The following SYTL4 variants were observed in gnomAD, a reference collection of about 807,000 sequenced individuals.
SYTL4 encodes synaptotagmin-like protein 4.
In SYTL4, 16 loss-of-function variants were observed where a neutral mutation model predicts 52.7. The observed-to-expected ratio is 0.30, with a 90% CI of 0.21 to 0.46. SYTL4 has a LOEUF of 0.46. SYTL4 is among the 20% of genes least tolerant of loss of function. The pLI, the probability that SYTL4 is intolerant of heterozygous loss-of-function variation, is 1.00. For missense variants in SYTL4, 423 were observed against 519.9 expected, an observed-to-expected ratio of 0.81 and a Z score of 1.81; for synonymous variants, 160 against 186.6, an observed-to-expected ratio of 0.86 and a Z score of 1.16.
chrX:100,693,094 T>TA (rs1427127141), intron 8 of SYTL4, among the ~76,000 whole-genome samples: 1 of 111,297 alleles, frequency 9.0e-6, no homozygotes, highest in Non-Finnish European at 1.9e-5. Flanking sequence ...CATGGCTGGC[T>TA]AATTTTTTTA....
At chrX:100,699,927 A>G (rs1468558454) in intron 8 of SYTL4, among the ~76,000 whole-genome samples, 2 of 111,402 alleles carry the variant, frequency 1.8e-5, no homozygotes, top group Admixed American at 9.5e-5. Flanking sequence ...GATACATGCT[A>G]TAACATGGAT....
chrX:100,723,738 G>T (rs1365391091), intron 2 of SYTL4, among the ~76,000 whole-genome samples: 2 of 104,471 alleles, frequency 1.9e-5, no homozygotes, highest in East Asian at 3.2e-4. Context: ...CGGCCGCCCC[G>T]TCTGAGAAGT....
chrX:100,725,532 A>T (rs2084499181), intron 2 of SYTL4, among the ~76,000 whole-genome samples: 1 of 112,707 alleles, frequency 8.9e-6, no homozygotes, highest in South Asian at 3.6e-4. Flanking sequence ...GCAAATGTAA[A>T]TTAGTAAGGC....
intron 14 of SYTL4, 44 bp downstream of exon 14, chrX:100,687,023 G>T: frequency 1.7e-6 from 2 of 1,180,248 alleles, no homozygotes; most frequent in Non-Finnish European, 1.1e-6. Flanking sequence ...GCCGGGGTCT[G>T]GTCTCTGGTC....
In SYTL4 at chrX:100,701,340, A is replaced by G; in HGVS notation, c.327-11T>C. 1 of 1,184,408 alleles carries G rather than the reference A, an allele frequency of 8.4e-7. No homozygotes were observed. Among genetic ancestry groups the G allele is most frequent in the Non-Finnish European group, 1.1e-6 (1 of 870,615 alleles). On this transcript the variant is annotated splice_polypyrimidine_tract_variant and intron_variant, in intron 6 of 19. Coordinates refer to ENST00000372989, the MANE Select transcript of SYTL4 (RefSeq NM_001370165.1). ...GCTTTCTTCAACTCTCTGGGAAGAA[A>G]TAAAAGAAAATGACAGATGGATAAA... is the stretch of plus-strand genomic sequence containing the variant.
At chrX:100,715,302 C>T (rs1277157336) in intron 2 of SYTL4, among the ~76,000 whole-genome samples, 1 of 112,168 alleles carries the variant, frequency 8.9e-6, no homozygotes, top group Non-Finnish European at 1.9e-5. Context: ...GGATTACAGG[C>T]ATGAGACACC....
intron 8 of SYTL4, among the ~76,000 whole-genome samples, chrX:100,692,513 G>A (rs746518600): frequency 9.0e-6 from 1 of 111,640 alleles, no homozygotes; most frequent in Non-Finnish European, 1.9e-5. Flanking sequence ...GTATTCAGGT[G>A]ACCAGAATTC....
rs758259732 is a variant in SYTL4, at chrX:100,678,561, T to G, written c.1697A>C (p.Lys566Thr). 3 of 1,211,348 alleles carry G rather than the reference T, an allele frequency of 2.5e-6. No homozygotes were observed. Among genetic ancestry groups the G allele is most frequent in the Non-Finnish European group, 3.4e-6 (3 of 895,288 alleles). The change falls in exon 19 of 20, where the codon AAA becomes ACA. Residue 566 changes from lysine (K) to threonine (T), a missense_variant. Transcript: ENST00000372989. Reference sequence around the variant, plus strand: ...CAGGGTCTTCTTCATCACAGGAGTTTTACGTTTACTGGCCTTGTTCCTCAT... The same window carrying G: ...CAGGGTCTTCTTCATCACAGGAGTTGTACGTTTACTGGCCTTGTTCCTCAT... ...LPMRNKASKR[K>T]TPVMKKTLNP...
At chrX:100,721,082 C>A (rs1422565183) in intron 2 of SYTL4, among the ~76,000 whole-genome samples, 1 of 111,129 alleles carries the variant, frequency 9.0e-6, no homozygotes, top group Admixed American at 9.6e-5. Context: ...GAAGCAATAT[C>A]CTAATATTTT....
chrX:100,686,864 C>T (rs1280287925), intron 14 of SYTL4, 83 bp from the exon 15 acceptor site: 2 of 889,025 alleles, frequency 2.2e-6, no homozygotes, highest in Non-Finnish European at 3.2e-6. Context: ...TATAGATATG[C>T]CATGGTGACA....
intron 5 of SYTL4, 110 bp downstream of exon 5, chrX:100,701,818 T>G (rs2083859633): frequency 3.7e-6 from 3 of 801,222 alleles, no homozygotes; most frequent in African/African-American, 4.2e-5. Context: ...TAAGTAGTGG[T>G]AAACATCACA....
intron 13 of SYTL4, chrX:100,688,116 T>C: frequency 3.0e-6 from 1 of 328,395 alleles, no homozygotes; most frequent in Admixed American, 5.2e-5. Context: ...AAAGCTGTGA[T>C]GAAAAATGTC....
intron 2 of SYTL4, among the ~76,000 whole-genome samples, chrX:100,713,529 T>A (rs1381951184): frequency 3.6e-5 from 4 of 110,222 alleles, no homozygotes; most frequent in Non-Finnish European, 7.6e-5. Flanking sequence ...GGTGGGAGAA[T>A]CGCTTGAACC....
In SYTL4 at chrX:100,678,393, G is replaced by A. The variant is rs778864041; in HGVS notation, c.1865C>T (p.Thr622Ile). The A allele has an allele frequency of 2.5e-6, 3 of 1,205,822 alleles. No homozygotes were observed. In the South Asian group the frequency reaches 5.3e-5, roughly 21 times the overall value. The change falls in exon 19 of 20, where the codon ACT becomes ATT. Residue 622 changes from threonine to isoleucine, a missense_variant and splice_region_variant. Transcript: ENST00000372989. ...GAGGATGGGGGAGGGGATCTCACCA[G>A]TGCCAACACCCAGCCTGACCCCTCC... ...FLGGVRLGVG[T>I]GISNGEVVDW...
At chrX:100,697,482 G>A (rs1401174902) in intron 8 of SYTL4, among the ~76,000 whole-genome samples, 1 of 111,783 alleles carries the variant, frequency 8.9e-6, no homozygotes, top group Non-Finnish European at 1.9e-5. Flanking sequence ...TAATAGTCTG[G>A]CAGATATATA....
chrX:100,723,962 AG>A (rs762608487), intron 2 of SYTL4, among the ~76,000 whole-genome samples: 1,892 of 72,960 alleles, frequency 0.026, 43 homozygotes, highest in South Asian at 0.13. Flanking sequence ...TCAGGGAGGG[AG>A]GTGGGGGGGT....
At chrX:100,703,287 G>A (rs1397834962) in intron 3 of SYTL4, 102 bp from the exon 4 acceptor site, 1 of 111,583 alleles carries the variant, frequency 9.0e-6, no homozygotes, top group Non-Finnish European at 1.9e-5. Context: ...AGCCTGTGAG[G>A]TTGAGGCTAC....
chrX:100,691,323 A>AT (rs928375089), intron 8 of SYTL4, 114 bp from the exon 9 acceptor site: 16 of 482,031 alleles, frequency 3.3e-5, no homozygotes, highest in Non-Finnish European at 5.0e-5. Context: ...TAAAATAAAT[A>AT]TGAGTATACT....
intron 8 of SYTL4, among the ~76,000 whole-genome samples, chrX:100,697,998 T>C (rs891575232): frequency 8.9e-6 from 1 of 112,176 alleles, no homozygotes; most frequent in Non-Finnish European, 1.9e-5. Flanking sequence ...AGAAAAATTT[T>C]CCAGCAATGA....
Sources: gnomAD v4.1 joint callset for allele counts (sites outside exome capture counted in the v4.1 genomes callset) on GRCh38, gnomAD v4.1.1 for gene constraint, MANE v1.5 for transcripts, NCBI Gene and HGNC (gene_info 2026-07-23, HGNC 2026-07-21) for gene names.